PSD3: variants seen among roughly 807,000 people sequenced by gnomAD.
PSD3 encodes PH and SEC7 domain-containing protein 3.
PSD3 carries 49 observed loss-of-function variants against 105.5 expected under a neutral mutation model. The observed-to-expected ratio is 0.46, with a 90% CI of 0.37 to 0.59. The LOEUF is 0.59. PSD3 is among the 20% of genes least tolerant of loss of function. PSD3 has a pLI of 0.00. For missense variants in PSD3, 1,561 were observed against 1,263.8 expected, an observed-to-expected ratio of 1.24 and a Z score of -3.57; for synonymous variants, 557 against 457.8, an observed-to-expected ratio of 1.22 and a Z score of -2.77.
chr8:18,671,780 C>T (rs567635494), intron 9 of PSD3, among the ~76,000 whole-genome samples: 3 of 152,112 alleles, frequency 2.0e-5, no homozygotes, highest in African/African-American at 7.2e-5. Context: ...TATAGGTGCC[C>T]GCCATGACGT....
rs567042105 is a variant in PSD3, at chr8:18,729,095, CAACT to C, written c.2172+36350_2172+36353del. ...GAAAAAGAACAGCTGTAAAATTTAA[CAACT>C]AACAGAGACTAATAAGCAATTTTTA... On this transcript the variant is annotated intron_variant, in intron 9 of 15. Transcript: ENST00000327040. Among the ~76,000 whole-genome samples, 347 of 152,280 alleles carry C rather than the reference CAACT, an allele frequency of 2.3e-3. 1 individual carries two copies. Among genetic ancestry groups the C allele is most frequent in the African/African-American group, 5.8e-3 (242 of 41,558 alleles).
chr8:18,974,109 A>C (rs1824797879), intron 1 of PSD3, among the ~76,000 whole-genome samples: 1 of 152,192 alleles, frequency 6.6e-6, no homozygotes, highest in African/African-American at 2.4e-5. Context: ...AAATACTAAT[A>C]ACCATATTAC....
In PSD3 at chr8:18,867,898, G is replaced by A. The variant is rs752717774; in HGVS notation, c.1410C>T (p.Ser470=). The change falls in exon 4 of 16, where the codon AGC becomes AGT. Residue 470 remains serine (S), a synonymous_variant. Transcript: ENST00000327040. ...SLETLYSEPD[S]YFSFEMPLTP... ...TGAGGGGCATTTCAAAGCTAAAATA[G>A]CTATCAGGCTCTGAGTATAATGTCT... is the stretch of plus-strand genomic sequence containing the variant. 1.2e-6 allele frequency: 2 copies of A among 1,614,118 alleles called. No homozygotes were observed. Among genetic ancestry groups the A allele is most frequent in the East Asian group, 4.5e-5 (2 of 44,882 alleles).
intron 9 of PSD3, among the ~76,000 whole-genome samples, chr8:18,678,419 A>C (rs907993027): frequency 4.6e-5 from 7 of 152,234 alleles, no homozygotes; most frequent in Non-Finnish European, 1.5e-5. Context: ...TTCTTTTAAA[A>C]AATTTATTTT....
chr8:18,809,011 C>T (rs550043630), intron 4 of PSD3: 8 of 1,111,814 alleles, frequency 7.2e-6, no homozygotes, highest in Non-Finnish European at 8.5e-6. Context: ...ACACAAGGGC[C>T]ACTGTCTATC....
At chr8:19,013,429 C>T in intron 1 of PSD3, 134 bp downstream of exon 1, 1 of 1,218,440 alleles carries the variant, frequency 8.2e-7, no homozygotes, top group Non-Finnish European at 1.1e-6. Context: ...GCACCCTGCA[C>T]CTATCCAGAC....
At chr8:18,773,947 A>C (rs1315007405) in intron 8 of PSD3, among the ~76,000 whole-genome samples, 1 of 152,178 alleles carries the variant, frequency 6.6e-6, no homozygotes, top group East Asian at 1.9e-4. Context: ...ACTTGAACTT[A>C]TTTTGTTAAA....
rs142613552 is a variant in PSD3, at chr8:18,843,126, C to T, written c.1634+24548G>A. Among the ~76,000 whole-genome samples the T allele has an allele frequency of 1.5e-4, 23 of 152,060 alleles. No homozygotes were observed. In the East Asian group the frequency reaches 2.3e-3, roughly 15 times the overall value. The stretch of plus-strand genomic sequence containing the variant: ...AGAGTTATTGCTCTCTTTGGGAGGC[C>T]GAGACGGGCGGATCACGAGGTCAGG... On this transcript the variant is annotated intron_variant, in intron 4 of 15. Transcript: ENST00000327040.
chr8:18,722,295 G>C (rs1803037175), intron 9 of PSD3, among the ~76,000 whole-genome samples: 1 of 152,066 alleles, frequency 6.6e-6, no homozygotes, highest in Admixed American at 6.6e-5. Flanking sequence ...TTTTAAAGCA[G>C]CAGCACTCAC....
At chr8:18,756,669 G>C (rs1400675061) in intron 9 of PSD3, among the ~76,000 whole-genome samples, 1 of 151,270 alleles carries the variant, frequency 6.6e-6, no homozygotes, top group East Asian at 1.9e-4. Flanking sequence ...ACCAGAGGAA[G>C]TTAGAACATG....
intron 1 of PSD3, among the ~76,000 whole-genome samples, chr8:19,066,870 A>G (rs564484347): frequency 6.6e-6 from 1 of 152,362 alleles, no homozygotes; most frequent in African/African-American, 2.4e-5. Context: ...CATGAAAACC[A>G]GGCTGGGTGC....
intron 4 of PSD3, among the ~76,000 whole-genome samples, chr8:18,824,370 T>C: frequency 6.6e-6 from 1 of 152,106 alleles, no homozygotes; most frequent in Non-Finnish European, 1.5e-5. Flanking sequence ...AATGATAAAT[T>C]TGGAGGCTCA....
chr8:19,062,674 A>T (rs1371739287), intron 1 of PSD3, among the ~76,000 whole-genome samples: 1 of 152,224 alleles, frequency 6.6e-6, no homozygotes, highest in African/African-American at 2.4e-5. Context: ...TTTAAAGTAG[A>T]TGCATAACTT....
At chr8:19,055,342 C>T (rs1828672933) in intron 1 of PSD3, among the ~76,000 whole-genome samples, 1 of 152,288 alleles carries the variant, frequency 6.6e-6, no homozygotes, top group South Asian at 2.1e-4. Flanking sequence ...CAGTCTCCAC[C>T]TCCCAGGTTC....
chr8:19,044,091 A>C (rs1246566217), intron 1 of PSD3, among the ~76,000 whole-genome samples: 1 of 152,212 alleles, frequency 6.6e-6, no homozygotes, highest in African/African-American at 2.4e-5. Flanking sequence ...GTTCAGCCAC[A>C]GTCAGAAGCA....
chr8:18,806,999 G>A (rs1176321246), intron 4 of PSD3, among the ~76,000 whole-genome samples: 1 of 151,994 alleles, frequency 6.6e-6, no homozygotes, highest in Admixed American at 6.5e-5. Context: ...CAAACCACCG[G>A]ATTTTATACT....
Position 19,019,400 on chromosome 8 carries a change from T to C in PSD3, c.324+64806A>G, listed in dbSNP as rs533124442. On this transcript the variant is annotated intron_variant, in intron 1 of 1. Coordinates refer to the PSD3 transcript ENST00000521475. ...CTCAAGCAATCCAAGAGTCTTAAAA[T>C]ATGCATTTAAAGGAAAGGGTTTTTA... Among the ~76,000 whole-genome samples, 3 of 152,326 alleles carry C rather than the reference T, an allele frequency of 2.0e-5. No homozygotes were observed. The East Asian group carries it at 5.8e-4, about 29-fold the overall frequency.
intron 9 of PSD3, among the ~76,000 whole-genome samples, chr8:18,752,545 AT>A (rs1349903166): frequency 1.3e-3 from 19 of 14,784 alleles, no homozygotes; most frequent in Middle Eastern, 0.031. Context: ...TATTATATAT[AT>A]TATATATAAT....
intron 2 of PSD3, among the ~76,000 whole-genome samples, chr8:18,879,275 T>C (rs1817957841): frequency 6.6e-6 from 1 of 151,966 alleles, no homozygotes; most frequent in African/African-American, 2.4e-5. Flanking sequence ...TGGCAACCGG[T>C]CAAAGAAAAC....
Sources: allele counts gnomAD v4.1 joint callset (sites outside exome capture counted in the v4.1 genomes callset), GRCh38; gene constraint gnomAD v4.1.1; transcripts MANE v1.5; gene names NCBI Gene and HGNC (gene_info 2026-07-23, HGNC 2026-07-21).